The following KSR2 variants were observed in gnomAD, a reference collection of about 807,000 sequenced individuals.
KSR2 encodes kinase suppressor of ras 2.
KSR2 carries 25 observed loss-of-function variants against 107.8 expected under a neutral mutation model. That is an observed-to-expected ratio of 0.23 (90% CI 0.17 to 0.32). The LOEUF is 0.32. Among genes scored for constraint, KSR2 ranks in the 10% least tolerant of loss-of-function variants. KSR2 has a pLI of 1.00. For synonymous variants in KSR2, 480 were observed against 507.0 expected (o/e 0.95, Z 0.71); for missense variants, 887 against 1,268.9 (o/e 0.70, Z 4.57).
intron 4 of KSR2, among the ~76,000 whole-genome samples, chr12:117,744,131 C>T (rs961329923): frequency 4.6e-5 from 7 of 152,096 alleles, no homozygotes; most frequent in Non-Finnish European, 7.4e-5. Flanking sequence ...GCGGAAAGAC[C>T]TCTGGTGGTA....
chr12:117,555,066 TAGGAGGGAGCGCCATACTCCC>T, intron 9 of KSR2, 82 bp downstream of exon 9: 1 of 1,423,292 alleles, frequency 7.0e-7, no homozygotes, highest in Non-Finnish European at 9.8e-7. Context: ...CGAGACGGGC[TAGGAGGGAGCGCCATACTCCC>T]AGATCAACCC....
intron 5 of KSR2, among the ~76,000 whole-genome samples, chr12:117,646,794 T>C (rs1212080411): frequency 1.3e-5 from 2 of 152,164 alleles, no homozygotes; most frequent in Non-Finnish European, 1.5e-5. Flanking sequence ...ACAGATGCTC[T>C]GACTTCTGAA....
At chr12:117,592,132 T>C (rs2136271034) in intron 5 of KSR2, among the ~76,000 whole-genome samples, 1 of 152,108 alleles carries the variant, frequency 6.6e-6, no homozygotes, top group Non-Finnish European at 1.5e-5. Context: ...TTTTTTTTTT[T>C]TTTTAGATGG....
intron 2 of KSR2, among the ~76,000 whole-genome samples, chr12:117,859,122 C>G (rs1893195692): frequency 6.7e-6 from 1 of 149,506 alleles, no homozygotes; most frequent in Non-Finnish European, 1.5e-5. Context: ...CTATTTGGTG[C>G]CAGAATATGA....
At chr12:117,599,919 A>G (rs1880843290) in intron 5 of KSR2, among the ~76,000 whole-genome samples, 1 of 152,174 alleles carries the variant, frequency 6.6e-6, no homozygotes, top group African/African-American at 2.4e-5. Flanking sequence ...GATCCCACCT[A>G]ATATTGTTCA....
At chr12:117,745,899 G>C (rs1258582195) in intron 4 of KSR2, among the ~76,000 whole-genome samples, 2 of 152,118 alleles carry the variant, frequency 1.3e-5, no homozygotes, top group Admixed American at 6.6e-5. Flanking sequence ...TCTTCAAGGA[G>C]AACTACAAAC....
intron 4 of KSR2, among the ~76,000 whole-genome samples, chr12:117,691,733 G>A (rs1212628193): frequency 6.6e-6 from 1 of 152,242 alleles, no homozygotes; most frequent in African/African-American, 2.4e-5. Context: ...TGGCAAGGTA[G>A]TATATCTCAT....
chr12:117,616,175 A>C (rs1046462302), intron 5 of KSR2, among the ~76,000 whole-genome samples: 2 of 151,394 alleles, frequency 1.3e-5, no homozygotes, highest in African/African-American at 2.4e-5. Context: ...AAAAAAAAAA[A>C]CAGATTTTAA....
rs57095721 is a variant in KSR2 at position 117,724,312 on chromosome 12, CAA to C, written c.986+36697_986+36698del. ...AACAGGACAGAGTGACACCCTGTCTCAAAAAAAAAAAAAAAAAAGAAAAATAA... is the reference window on the plus strand; with the variant it reads ...AACAGGACAGAGTGACACCCTGTCTCAAAAAAAAAAAAAAAAGAAAAATAA... On this transcript the variant is annotated intron_variant, in intron 4 of 19. Transcript: ENST00000339824. Among the ~76,000 whole-genome samples, 338 of 111,854 alleles carry C rather than the reference CAA, an allele frequency of 3.0e-3. 1 individual carries two copies. The highest frequency in any genetic ancestry group is 7.3e-3 in the African/African-American group (216 of 29,622). 73.4% of individuals were successfully genotyped at this position (111,854 alleles called of 152,430 possible).
chr12:117,732,817 C>T (rs566063716), intron 4 of KSR2, among the ~76,000 whole-genome samples: 43 of 152,294 alleles, frequency 2.8e-4, no homozygotes, highest in African/African-American at 9.6e-4. Flanking sequence ...TGACCACAAG[C>T]GTTTTAAATT....
Position 117,555,224 on chromosome 12 carries a change from C to T in KSR2, c.1463G>A (p.Arg488His), listed in dbSNP as rs889640480. The change falls in exon 9 of 20, where the codon CGC becomes CAC. Residue 488 changes from arginine (R) to histidine (H), a missense_variant. Physicochemically the swap from Arg to His is conservative, Grantham distance 29. This residue lies in a region of KSR2 where 60 missense variants were observed against 77.5 expected (regional missense o/e 0.77). Transcript: ENST00000339824. ...DINNPLRKPP[R>H]YSDLHISQTL... Reference sequence around the variant, plus strand: ...CTGACTGATGTGCAGGTCTGAATAGCGAGGTGGCTTCCGTAGAGGGTTGTT... The same window carrying T: ...CTGACTGATGTGCAGGTCTGAATAGTGAGGTGGCTTCCGTAGAGGGTTGTT... 1.2e-5 allele frequency: 19 copies of T among 1,613,690 alleles called. No individual in the cohort carries two copies. Among genetic ancestry groups the T allele is most frequent in the East Asian group, 1.1e-4 (5 of 44,886 alleles).
At chr12:117,776,754 GATCTC>G (rs1299771017) in intron 3 of KSR2, among the ~76,000 whole-genome samples, 8 of 151,858 alleles carry the variant, frequency 5.3e-5, no homozygotes, top group Non-Finnish European at 2.9e-5. Context: ...CAGCTCTGAG[GATCTC>G]ATCTCAATTC....
At chr12:117,605,057 T>C (rs762679197) in intron 5 of KSR2, among the ~76,000 whole-genome samples, 35 of 152,220 alleles carry the variant, frequency 2.3e-4, no homozygotes, top group Non-Finnish European at 3.2e-4. Context: ...TTCTAATCTC[T>C]TGTGCTTTCT....
chr12:117,635,940 C>T (rs1029791170), intron 5 of KSR2, among the ~76,000 whole-genome samples: 4 of 152,010 alleles, frequency 2.6e-5, no homozygotes, highest in Admixed American at 1.3e-4. Flanking sequence ...TACAGGCACA[C>T]ACCACCATGC....
chr12:117,857,371 G>A (rs1224160534), intron 2 of KSR2, among the ~76,000 whole-genome samples: 4 of 152,128 alleles, frequency 2.6e-5, no homozygotes, highest in African/African-American at 7.2e-5. Flanking sequence ...AGGATCTGAA[G>A]GTACAGAATG....
intron 1 of KSR2, 85 bp from the exon 2 acceptor site, chr12:117,860,516 A>AC: frequency 1.5e-6 from 2 of 1,316,626 alleles, no homozygotes; most frequent in Non-Finnish European, 2.1e-6. Flanking sequence ...ACGAACCCCC[A>AC]CCCTAAACCC....
At chr12:117,503,032 A>G (rs1337443563) in intron 14 of KSR2, among the ~76,000 whole-genome samples, 1 of 152,196 alleles carries the variant, frequency 6.6e-6, no homozygotes, top group Non-Finnish European at 1.5e-5. Context: ...GAAAAATTGA[A>G]GCCAGGGGAG....
intron 3 of KSR2, among the ~76,000 whole-genome samples, chr12:117,806,072 C>T (rs1467105494): frequency 6.6e-6 from 1 of 152,166 alleles, no homozygotes; most frequent in Non-Finnish European, 1.5e-5. Flanking sequence ...GTAATATGAT[C>T]CCCAGCTGAG....
At chr12:117,544,348 G>A (rs537849485) in intron 9 of KSR2, among the ~76,000 whole-genome samples, 2 of 152,254 alleles carry the variant, frequency 1.3e-5, no homozygotes, top group African/African-American at 2.4e-5. Context: ...GGCCAGGCAC[G>A]GTGGCTTGCG....
Sources: gnomAD v4.1 joint callset for allele counts (sites outside exome capture counted in the v4.1 genomes callset) on GRCh38, gnomAD v4.1.1 for gene constraint, gnomAD v4.1.1 regional missense constraint, MANE v1.5 for transcripts, NCBI Gene and HGNC (gene_info 2026-07-23, HGNC 2026-07-21) for gene names.